CNOT3: variants seen among roughly 807,000 people sequenced by gnomAD.
The protein encoded by CNOT3 is CCR4-associated factor 3.
In CNOT3, 2 loss-of-function variants were observed where a neutral mutation model predicts 89.4. That is an observed-to-expected ratio of 0.02 (90% CI 0.01 to 0.07). The LOEUF (loss-of-function observed/expected upper bound fraction) is 0.07. Among genes scored for constraint, CNOT3 ranks in the 10% least tolerant of loss-of-function variants. The pLI is 1.00. For synonymous variants in CNOT3, 486 were observed against 402.0 expected, an observed-to-expected ratio of 1.21 and a Z score of -2.50; for missense variants, 664 against 1,010.2, an observed-to-expected ratio of 0.66 and a Z score of 4.65.
chr19:54,153,517 AC>A (rs1568691283), intron 16 of CNOT3, 197 bp from the exon 17 acceptor site: 1 of 778,152 alleles, frequency 1.3e-6, no homozygotes, highest in Non-Finnish European at 2.4e-6. Flanking sequence ...AGCAATTTTC[AC>A]CTCCTGTCTC....
rs1400994605 is a variant in CNOT3 at position 54,137,938 on chromosome 19, G to C, written c.-106G>C. On this transcript the variant is annotated 5_prime_UTR_variant, in exon 1 of 18. Coordinates refer to ENST00000221232, the MANE Select transcript of CNOT3 (RefSeq NM_014516.4). ...GGGGCGCGAGAAAAAGGCGGCGGGC[G>C]CTCGCCTCCCCCGCCTGTCGCGATA... The C allele has an allele frequency of 1.3e-5, 2 of 152,006 alleles. No individual in the cohort carries two copies. The highest frequency in any genetic ancestry group is 2.9e-5 in the Non-Finnish European group (2 of 67,938). The allele number at this position is 152,006 out of a possible 1,614,324, so 9.4% of individuals were successfully genotyped here.
At position 54,148,968 on chromosome 19, in the gene CNOT3, T is replaced by A. The variant is rs1369237738; in HGVS notation, c.1406+225T>A. ...CCCTTCAGAACATTCTAAAATACGT[T>A]CTCATCTAAGTGGAAGTTTTCTCAA... On this transcript the variant is annotated intron_variant, in intron 12 of 17. Transcript: ENST00000221232. The surrounding 1 kb of genome is among the most constrained non-coding windows in gnomAD (Gnocchi z 6.3). Among the ~76,000 whole-genome samples the A allele has an allele frequency of 6.6e-6, 1 of 152,174 alleles. No individual in the cohort carries two copies. Among genetic ancestry groups the A allele is most frequent in the Non-Finnish European group, 1.5e-5 (1 of 68,030 alleles).
chr19:54,138,577 C>G (rs1250473758), intron 1 of CNOT3, among the ~76,000 whole-genome samples: 2 of 152,300 alleles, frequency 1.3e-5, no homozygotes, highest in African/African-American at 4.8e-5. Flanking sequence ...CCGAGGCCGC[C>G]CTCCGCATCC....
chr19:54,142,915 ATC>A lies in CNOT3; in HGVS notation c.-50-9_-50-8del, dbSNP rs2074511168. 6.5e-7 allele frequency: 1 copy of A among 1,544,158 alleles called. No homozygotes were observed. Among genetic ancestry groups the A allele is most frequent in the Non-Finnish European group, 8.9e-7 (1 of 1,118,184 alleles). On this transcript the variant is annotated splice_polypyrimidine_tract_variant and intron_variant, in intron 1 of 17. Transcript: ENST00000221232. ...GGGAATACGTGTTAATTCCTCTCCA[ATC>A]TCTCCTAGCAGCGTCCGTCTCCAAG... is the stretch of plus-strand genomic sequence containing the variant.
At chr19:54,147,989 GT>G (rs1207464382) in intron 10 of CNOT3, among the ~76,000 whole-genome samples, 158 bp from the exon 11 acceptor site, 2 of 152,124 alleles carry the variant, frequency 1.3e-5, no homozygotes, top group African/African-American at 2.4e-5. Flanking sequence ...AGCCATGAGG[GT>G]GAGTAAGGTC....
rs2074579835 is a variant in CNOT3 at position 54,144,524 on chromosome 19, G to A, written c.483+192G>A. ...AGCAGCTGCACGCGTGGGGCAGGAA[G>A]GAGGTCAGACAGAATCTCAGGGTCC... On this transcript the variant is annotated intron_variant, in intron 7 of 17. Coordinates refer to ENST00000221232, the MANE Select transcript of CNOT3 (RefSeq NM_014516.4). This position sits in a 1 kb window ranked among gnomAD's most constrained non-coding sequence, Gnocchi z 4.8. Among the ~76,000 whole-genome samples, 1 of 152,232 alleles carries A rather than the reference G, an allele frequency of 6.6e-6. No homozygotes were observed. Among genetic ancestry groups the A allele is most frequent in the Non-Finnish European group, 1.5e-5 (1 of 68,044 alleles).
In CNOT3 at chr19:54,145,702, C is replaced by T. The variant is rs34286651; in HGVS notation, c.588C>T (p.Leu196=). ...ILRMLDNDSI[L]VDAIRKIKDD... Reference sequence around the variant, plus strand: ...GCATGCTGGACAATGACTCCATCCTCGTTGACGCCATCCGCAAGATCAAGG... The same window carrying T: ...GCATGCTGGACAATGACTCCATCCTTGTTGACGCCATCCGCAAGATCAAGG... The change falls in exon 8 of 18, where the codon CTC becomes CTT. Residue 196 remains leucine (L), a synonymous_variant. Transcript: ENST00000221232. This position sits in a 1 kb window ranked among gnomAD's most constrained non-coding sequence, Gnocchi z 5.9. 2.2e-5 allele frequency: 36 copies of T among 1,612,964 alleles called. No homozygotes were observed. Among genetic ancestry groups the T allele is most frequent in the Admixed American group, 6.7e-5 (4 of 60,004 alleles).
intron 17 of CNOT3, 168 bp downstream of exon 17, chr19:54,154,008 C>T (rs563124492): frequency 8.6e-5 from 73 of 848,500 alleles, no homozygotes; most frequent in Middle Eastern, 4.3e-4. Context: ...CCTGGAACAC[C>T]GCCCTCTCAT....
rs2074601303 is a variant in CNOT3 at position 54,144,985 on chromosome 19, G to A, written c.484-613G>A. On this transcript the variant is annotated intron_variant, in intron 7 of 17. Coordinates refer to ENST00000221232, the MANE Select transcript of CNOT3 (RefSeq NM_014516.4). The surrounding 1 kb of genome is among the most constrained non-coding windows in gnomAD (Gnocchi z 4.8). ...AGACTCTGAGGGGTTTGGGAACCAG[G>A]GGCTTTCGGGGAGATGATGGGTCCT... Among the ~76,000 whole-genome samples the A allele has an allele frequency of 6.6e-6, 1 of 152,112 alleles. No homozygotes were observed. Among genetic ancestry groups the A allele is most frequent in the African/African-American group, 2.4e-5 (1 of 41,392 alleles).
At chr19:54,143,413 C>T in intron 3 of CNOT3, 29 bp from the exon 4 acceptor site, 1 of 1,611,200 alleles carries the variant, frequency 6.2e-7, no homozygotes, top group Non-Finnish European at 8.5e-7. Context: ...CCCTCCCACA[C>T]TGACTTCTCA....
intron 1 of CNOT3, 68 bp from the exon 2 acceptor site, chr19:54,142,861 G>C: frequency 3.0e-6 from 3 of 999,308 alleles, no homozygotes; most frequent in Non-Finnish European, 4.7e-6. Context: ...ATGCTGACTA[G>C]GTCCATGTCT....
rs2074522937 is a variant in CNOT3 at position 54,143,200 on chromosome 19, G to A, written c.93+14G>A. 3.1e-6 allele frequency: 5 copies of A among 1,610,956 alleles called. No homozygotes were observed. The East Asian group carries it at 1.1e-4, about 36-fold the overall frequency. ...ATTTGGCAGAAGGTACAGGGGCTGA[G>A]ACCCTAATAATCTGGGTCTTCAGAG... is the stretch of plus-strand genomic sequence containing the variant. On this transcript the variant is annotated intron_variant, in intron 3 of 17. Coordinates refer to ENST00000221232, the MANE Select transcript of CNOT3 (RefSeq NM_014516.4).
In CNOT3 at chr19:54,143,194, G is replaced by T; in HGVS notation, c.93+8G>T. 1 of 1,612,004 alleles carries T rather than the reference G, an allele frequency of 6.2e-7. No homozygotes were observed. Among genetic ancestry groups the T allele is most frequent in the Non-Finnish European group, 8.5e-7 (1 of 1,178,290 alleles). On this transcript the variant is annotated splice_region_variant and intron_variant, in intron 3 of 17. Coordinates refer to ENST00000221232, the MANE Select transcript of CNOT3 (RefSeq NM_014516.4). The stretch of plus-strand genomic sequence containing the variant: ...GAAGATATTTGGCAGAAGGTACAGG[G>T]GCTGAGACCCTAATAATCTGGGTCT...
intron 13 of CNOT3, among the ~76,000 whole-genome samples, chr19:54,150,718 G>T (rs2075044808): frequency 6.6e-6 from 1 of 152,144 alleles, no homozygotes; most frequent in Non-Finnish European, 1.5e-5. Flanking sequence ...CTACTATGTA[G>T]GGTTATTTGG....
chr19:54,151,750 G>A (rs1017999754), intron 13 of CNOT3, among the ~76,000 whole-genome samples: 1 of 152,158 alleles, frequency 6.6e-6, no homozygotes, highest in Non-Finnish European at 1.5e-5. Context: ...TAGCCGGGCT[G>A]GGCCCACCCC....
intron 12 of CNOT3, 61 bp from the exon 13 acceptor site, chr19:54,149,499 T>C: frequency 8.9e-7 from 1 of 1,121,596 alleles, no homozygotes; most frequent in Non-Finnish European, 1.3e-6. Flanking sequence ...GCCAGGCCTC[T>C]CTGCCCATCC....
Position 54,148,377 on chromosome 19 carries a change from T to C in CNOT3, c.1124T>C (p.Val375Ala). The C allele has an allele frequency of 6.4e-7, 1 of 1,565,950 alleles. No homozygotes were observed. The highest frequency in any genetic ancestry group is 1.2e-5 in the South Asian group (1 of 84,208). The change falls in exon 11 of 18, where the codon GTG (valine) becomes GCG (alanine). Residue 375 changes from valine (V) to alanine (A), a missense_variant. Val to Ala is a moderately conservative substitution (Grantham distance 64). Around this residue, in one of 8 missense-constraint regions of CNOT3, gnomAD observed 545 missense variants for 566.2 expected, o/e 0.96. Coordinates refer to ENST00000221232, the MANE Select transcript of CNOT3 (RefSeq NM_014516.4). The surrounding 1 kb of genome is among the most constrained non-coding windows in gnomAD (Gnocchi z 6.3). ...SGTPAPYAQA[V>A]APPAPSGPST... Reference sequence around the variant, plus strand: ...ACCCCTGCTCCCTATGCCCAGGCTGTGGCCCCACCAGCTCCCAGTGGGCCC... The same window carrying C: ...ACCCCTGCTCCCTATGCCCAGGCTGCGGCCCCACCAGCTCCCAGTGGGCCC...
intron 12 of CNOT3, among the ~76,000 whole-genome samples, chr19:54,149,146 C>G (rs1178317416): frequency 6.6e-6 from 1 of 152,206 alleles, no homozygotes; most frequent in African/African-American, 2.4e-5. Flanking sequence ...GACCATTCCA[C>G]TGGGTCTGCC....
Position 54,144,385 on chromosome 19 carries a change from C to A in CNOT3, c.483+53C>A. The A allele has an allele frequency of 7.2e-7, 1 of 1,391,862 alleles. No individual in the cohort carries two copies. Among genetic ancestry groups the A allele is most frequent in the Non-Finnish European group, 1.0e-6 (1 of 981,586 alleles). The allele number at this position is 1,391,862 out of a possible 1,614,324, so 86.2% of individuals were successfully genotyped here. On this transcript the variant is annotated intron_variant, in intron 7 of 17. Transcript: ENST00000221232. The surrounding 1 kb of genome is among the most constrained non-coding windows in gnomAD (Gnocchi z 4.8). ...GGATGGGGATGGGCATGGGAATGGG[C>A]TGGCCAGCAGGAGGCCAGTCATTTA...
Sources: allele counts gnomAD v4.1 joint callset (sites outside exome capture counted in the v4.1 genomes callset), GRCh38; gene constraint gnomAD v4.1.1; regional missense constraint gnomAD v4.1.1; non-coding constraint Gnocchi (gnomAD v3.1); transcripts MANE v1.5; gene names NCBI Gene and HGNC (gene_info 2026-07-23, HGNC 2026-07-21).